RIN2: variants seen among roughly 807,000 people sequenced by gnomAD.
The protein encoded by RIN2 is RAB5 interacting protein 2.
In RIN2, 36 loss-of-function variants were observed where a neutral mutation model predicts 78.0. The observed-to-expected ratio is 0.46, with a 90% CI of 0.35 to 0.61. RIN2 has a LOEUF of 0.61. Ranked by LOEUF, RIN2 falls within the 20% of genes least tolerant of loss-of-function variation. The probability of loss-of-function intolerance (pLI) is 0.00; values close to 1 mark genes in which losing one functional copy is unlikely to be tolerated. For missense variants in RIN2, 1,087 were observed against 1,159.7 expected, an observed-to-expected ratio of 0.94 and a Z score of 0.91; for synonymous variants, 466 against 466.8, an observed-to-expected ratio of 1.00 and a Z score of 0.02.
intron 2 of RIN2, among the ~76,000 whole-genome samples, chr20:19,882,549 C>T (rs1346443375): frequency 6.6e-6 from 1 of 152,178 alleles, no homozygotes; most frequent in Admixed American, 6.5e-5. Flanking sequence ...CAACTGCTAA[C>T]AGGTTGATGA....
Position 20,001,216 on chromosome 20 carries a change from T to A in RIN2, c.*280T>A, listed in dbSNP as rs763589000. On this transcript the variant is annotated 3_prime_UTR_variant, in exon 13 of 13. Coordinates refer to ENST00000255006, the MANE Select transcript of RIN2 (RefSeq NM_018993.4). Reference sequence around the variant, plus strand: ...TACCTACCCCCAGTCAGGTTCTAGGTTGGCTTACAGGTATGTATATGTGCA... The same window carrying A: ...TACCTACCCCCAGTCAGGTTCTAGGATGGCTTACAGGTATGTATATGTGCA... 2.1e-5 allele frequency: 9 copies of A among 437,020 alleles called. No homozygotes were observed. The highest frequency in any genetic ancestry group is 1.8e-4 in the Admixed American group (5 of 28,096). 27.1% of individuals were successfully genotyped at this position (437,020 alleles called of 1,614,324 possible). A position where few individuals can be genotyped will look rare whatever the true frequency, so the allele number is the denominator to read the frequency against.
intron 3 of RIN2, among the ~76,000 whole-genome samples, chr20:19,922,178 A>G (rs1650302453): frequency 6.6e-6 from 1 of 152,142 alleles, no homozygotes; most frequent in Admixed American, 6.5e-5. Context: ...GGTCCGTCTT[A>G]AAGGGAGCTT....
chr20:19,902,397 C>A (rs2123646243), intron 3 of RIN2, among the ~76,000 whole-genome samples: 2 of 152,334 alleles, frequency 1.3e-5, no homozygotes, highest in Middle Eastern at 6.8e-3. Flanking sequence ...CCTCTCTGAA[C>A]TTTCCCACTG....
At chr20:19,863,824 A>G (rs1261140892) in intron 2 of RIN2, among the ~76,000 whole-genome samples, 1 of 152,134 alleles carries the variant, frequency 6.6e-6, no homozygotes, top group East Asian at 1.9e-4. Flanking sequence ...GTTCATCGGT[A>G]GAAAGCAAAG....
In RIN2 at chr20:19,949,984, A is replaced by G. The variant is rs549815655; in HGVS notation, c.159-6631A>G. On this transcript the variant is annotated intron_variant, in intron 4 of 12. Coordinates refer to ENST00000255006, the MANE Select transcript of RIN2 (RefSeq NM_018993.4). ...ACTTACTCTCCCACCTGCTCAGGCG[A>G]CTAATGTTGGGCCATGGGAAGGAAG... is the stretch of plus-strand genomic sequence containing the variant. Among the ~76,000 whole-genome samples, 14 of 152,284 alleles carry G rather than the reference A, an allele frequency of 9.2e-5. No homozygotes were observed. In the South Asian group the frequency reaches 2.9e-3, roughly 32 times the overall value.
intron 4 of RIN2, among the ~76,000 whole-genome samples, chr20:19,954,734 C>T (rs2041467546): frequency 6.6e-6 from 1 of 151,754 alleles, no homozygotes; most frequent in East Asian, 1.9e-4. Flanking sequence ...CCCTGTGCCC[C>T]TCACCCCTGT....
intron 2 of RIN2, among the ~76,000 whole-genome samples, chr20:19,819,222 AG>A (rs781671125): frequency 2.0e-5 from 3 of 152,230 alleles, no homozygotes; most frequent in Non-Finnish European, 4.4e-5. Flanking sequence ...TCCAAGGTCC[AG>A]GTGCCAGCAT....
chr20:19,792,874 A>G (rs1436293508), intron 1 of RIN2, among the ~76,000 whole-genome samples: 1 of 152,080 alleles, frequency 6.6e-6, no homozygotes, highest in Non-Finnish European at 1.5e-5. Flanking sequence ...GTGGATCTTA[A>G]AAGTTTGGCA....
chr20:19,983,726 C>T (rs13045140), intron 9 of RIN2, among the ~76,000 whole-genome samples: 3 of 151,942 alleles, frequency 2.0e-5, no homozygotes, highest in African/African-American at 4.8e-5. Flanking sequence ...TTCTAACATG[C>T]ATATGTTGCG....
intron 12 of RIN2, among the ~76,000 whole-genome samples, chr20:19,998,274 G>A (rs540388630): frequency 3.4e-5 from 5 of 149,104 alleles, no homozygotes; most frequent in South Asian, 2.1e-4. Flanking sequence ...GAGCCACTGC[G>A]CCTGGCCATT....
chr20:19,826,933 T>G (rs11906483), intron 2 of RIN2, among the ~76,000 whole-genome samples: 5,621 of 150,986 alleles, frequency 0.037, 356 homozygotes, highest in African/African-American at 0.13. Context: ...TTTGTTATTG[T>G]TGGTGGTGGT....
At chr20:19,856,850 C>G (rs549661499) in intron 2 of RIN2, among the ~76,000 whole-genome samples, 29 of 152,160 alleles carry the variant, frequency 1.9e-4, no homozygotes, top group Non-Finnish European at 2.9e-4. Context: ...GATTCCAAAT[C>G]TTGCAACGTG....
At chr20:19,816,054 A>G (rs543543147) in intron 2 of RIN2, among the ~76,000 whole-genome samples, 52 of 152,376 alleles carry the variant, frequency 3.4e-4, no homozygotes, top group African/African-American at 1.2e-3. Flanking sequence ...TGCCAGTGGC[A>G]TATAAATAGT....
intron 2 of RIN2, among the ~76,000 whole-genome samples, chr20:19,844,669 C>CCTCTTCCTCTT (rs1568807647): frequency 1.3e-5 from 1 of 76,164 alleles, no homozygotes; most frequent in African/African-American, 6.2e-5. Flanking sequence ...TCTTCTTCTT[C>CCTCTTCCTCTT]CTTCTTCTTC....
chr20:19,976,730 A>G (rs183741587), intron 9 of RIN2, among the ~76,000 whole-genome samples: 5 of 152,346 alleles, frequency 3.3e-5, no homozygotes, highest in East Asian at 3.9e-4. Flanking sequence ...GGAGCTACCA[A>G]ACATTTCCAG....
At chr20:19,865,928 G>A (rs747813868) in intron 2 of RIN2, among the ~76,000 whole-genome samples, 4 of 152,122 alleles carry the variant, frequency 2.6e-5, no homozygotes, top group Non-Finnish European at 5.9e-5. Flanking sequence ...TTTCACGGAA[G>A]ACAATTTTTC....
Position 19,956,641 on chromosome 20 carries a change from A to G in RIN2, c.185A>G (p.Tyr62Cys), listed in dbSNP as rs769232666. ...ATGGTAAGACACAAGGATGGTGGCT[A>G]TTCCGAGGAAGAGGACGTGAAGACC... ...HSMVRHKDGGYSEEEDVKTCA... is the reference protein window; with the variant it reads ...HSMVRHKDGGCSEEEDVKTCA... The change falls in exon 5 of 13, where the codon TAT becomes TGT. Residue 62 changes from tyrosine to cysteine, a missense_variant. Physicochemically the swap from Tyr to Cys is radical, Grantham distance 194. Around this residue, in one of 8 missense-constraint regions of RIN2, gnomAD observed 706 missense variants for 667.5 expected, o/e 1.06. Coordinates refer to ENST00000255006, the MANE Select transcript of RIN2 (RefSeq NM_018993.4). The G allele has an allele frequency of 6.2e-7, 1 of 1,613,504 alleles. No individual in the cohort carries two copies.
At chr20:19,822,659 CA>C (rs1327456844) in intron 2 of RIN2, among the ~76,000 whole-genome samples, 2 of 150,516 alleles carry the variant, frequency 1.3e-5, no homozygotes, top group Admixed American at 6.6e-5. Flanking sequence ...AATACACACA[CA>C]CACACACCCA....
At chr20:19,984,814 C>A (rs1172897857) in intron 9 of RIN2, among the ~76,000 whole-genome samples, 1 of 152,162 alleles carries the variant, frequency 6.6e-6, no homozygotes, top group Non-Finnish European at 1.5e-5. Context: ...ATATGTGGTT[C>A]ATCTTTGACC....
Sources: gnomAD v4.1 joint callset for allele counts (sites outside exome capture counted in the v4.1 genomes callset) on GRCh38, gnomAD v4.1.1 for gene constraint, gnomAD v4.1.1 regional missense constraint, MANE v1.5 for transcripts, NCBI Gene and HGNC (gene_info 2026-07-23, HGNC 2026-07-21) for gene names.